The following UTP15 variants were observed in gnomAD, a reference collection of about 807,000 sequenced individuals.
UTP15 encodes the protein UTP15 small subunit processome component.
UTP15 carries 5 observed loss-of-function variants against 59.1 expected under a neutral mutation model. The observed-to-expected ratio is 0.08, with a 90% CI of 0.04 to 0.18. The LOEUF (loss-of-function observed/expected upper bound fraction) is 0.18. Ranked by LOEUF, UTP15 falls within the 10% of genes least tolerant of loss-of-function variation. UTP15 has a pLI of 1.00. For synonymous variants in UTP15, 211 were observed against 212.2 expected (o/e 0.99, Z 0.05); for missense variants, 494 against 616.7 (o/e 0.80, Z 2.11).
In UTP15 at chr5:73,579,086, C is replaced by T; in HGVS notation, c.1216C>T (p.Leu406Phe). ...IIKELNRRGV[L>F]ANALAGRDEK... ...AAAGGAGTTAAATCGAAGAGGAGTCCTTGCAAATGCGCTTGCAGGTCGGGA... is the reference window on the plus strand; with the variant it reads ...AAAGGAGTTAAATCGAAGAGGAGTCTTTGCAAATGCGCTTGCAGGTCGGGA... The change falls in exon 11 of 13, where the codon CTT (leucine) becomes TTT (phenylalanine). Residue 406 changes from leucine (L) to phenylalanine (F), a missense_variant. By Grantham distance (22) the Leu-to-Phe change is conservative (BLOSUM62 0). Coordinates refer to ENST00000296792, the MANE Select transcript of UTP15 (RefSeq NM_032175.4). 6.2e-7 allele frequency: 1 copy of T among 1,613,904 alleles called. No individual in the cohort carries two copies. The highest frequency in any genetic ancestry group is 1.1e-5 in the South Asian group (1 of 91,084).
At chr5:73,579,249 A>G in intron 11 of UTP15, 68 bp from the exon 12 acceptor site, 1 of 1,595,354 alleles carries the variant, frequency 6.3e-7, no homozygotes, top group Admixed American at 1.8e-5. Context: ...AACTGATGAA[A>G]CAAATCTGTT....
rs1748281183 is a variant in UTP15 at position 73,580,834 on chromosome 5, A to G, written c.*740A>G. The G allele has an allele frequency of 6.6e-6, 1 of 151,404 alleles. No homozygotes were observed. Among genetic ancestry groups the G allele is most frequent in the African/African-American group, 2.4e-5 (1 of 41,156 alleles). 9.4% of individuals were successfully genotyped at this position (151,404 alleles called of 1,614,324 possible). On this transcript the variant is annotated 3_prime_UTR_variant, in exon 13 of 13. Coordinates refer to ENST00000296792, the MANE Select transcript of UTP15 (RefSeq NM_032175.4). The stretch of plus-strand genomic sequence containing the variant: ...GGTCAGAGGAATGATAGAATTTGTC[A>G]TTTTTCTTACAACAGCCTTTCAGAC...
intron 5 of UTP15, among the ~76,000 whole-genome samples, chr5:73,570,180 T>C (rs1436659428): frequency 6.6e-6 from 1 of 152,194 alleles, no homozygotes; most frequent in African/African-American, 2.4e-5. Context: ...TGATTGTTCA[T>C]GTCTTCCAAA....
Position 73,569,174 on chromosome 5 carries a change from G to T in UTP15, c.369-323G>T, listed in dbSNP as rs1027206330. The stretch of plus-strand genomic sequence containing the variant: ...GTAAATCTCTTTAGAGTTTTTTAAA[G>T]AACTTTTTGAAATTTTAAAAATTAA... On this transcript the variant is annotated intron_variant, in intron 4 of 12. Coordinates refer to ENST00000296792, the MANE Select transcript of UTP15 (RefSeq NM_032175.4). Among the ~76,000 whole-genome samples the T allele has an allele frequency of 3.3e-5, 5 of 152,030 alleles. No homozygotes were observed. In the South Asian group the frequency reaches 6.2e-4, roughly 19 times the overall value.
chr5:73,569,219 T>C (rs1275656311), intron 4 of UTP15, among the ~76,000 whole-genome samples: 1 of 152,186 alleles, frequency 6.6e-6, no homozygotes, highest in Non-Finnish European at 1.5e-5. Context: ...GCTTCCATAT[T>C]CAGCAGCTAA....
At chr5:73,574,838 C>CT (rs1295300919) in intron 7 of UTP15, among the ~76,000 whole-genome samples, 3 of 152,004 alleles carry the variant, frequency 2.0e-5, no homozygotes, top group African/African-American at 4.8e-5. Flanking sequence ...TTTTTCTGCT[C>CT]TTATGAAAAA....
Position 73,579,015 on chromosome 5 carries a change from A to G in UTP15, c.1147-2A>G. 1.9e-6 allele frequency: 3 copies of G among 1,611,606 alleles called. No homozygotes were observed. Among genetic ancestry groups the G allele is most frequent in the Non-Finnish European group, 2.5e-6 (3 of 1,178,942 alleles). Reference sequence around the variant, plus strand: ...TCATGTTGACTTTGAAAATTTTTCTAGCCCACTTGTACAATAAAGACACCC... The same window carrying G: ...TCATGTTGACTTTGAAAATTTTTCTGGCCCACTTGTACAATAAAGACACCC... On this transcript the variant is annotated splice_acceptor_variant, in intron 10 of 12. Transcript: ENST00000296792. LOFTEE classifies it high-confidence loss of function.
Position 73,576,492 on chromosome 5 carries a change from T to TA in UTP15, c.810-459dup, listed in dbSNP as rs533599641. Reference sequence around the variant, plus strand: ...GTATACAGCTCTTTTTTTTTTTTTTTAGACAGAGCTTTGCTCTTGTCGCCC... The same window carrying TA: ...GTATACAGCTCTTTTTTTTTTTTTTTAAGACAGAGCTTTGCTCTTGTCGCCC... On this transcript the variant is annotated intron_variant, in intron 7 of 12. Transcript: ENST00000296792. Among the ~76,000 whole-genome samples, 999 of 151,228 alleles carry TA rather than the reference T, an allele frequency of 6.6e-3. 10 individuals are homozygous for TA. The highest frequency in any genetic ancestry group is 0.022 in the African/African-American group (899 of 41,196).
Position 73,581,502 on chromosome 5 carries a change from C to G in UTP15, c.*1408C>G. ...CTTTTCTCTAATTATTACGCCAACT[C>G]AAGTAGTTAAAAATCAGTAAGAAAA... On this transcript the variant is annotated 3_prime_UTR_variant, in exon 13 of 13. Coordinates refer to ENST00000296792, the MANE Select transcript of UTP15 (RefSeq NM_032175.4). 6.6e-6 allele frequency: 1 copy of G among 152,002 alleles called. No homozygotes were observed. Among genetic ancestry groups the G allele is most frequent in the East Asian group, 1.9e-4 (1 of 5,186 alleles). The allele number at this position is 152,002 out of a possible 1,614,324, so 9.4% of individuals were successfully genotyped here.
At chr5:73,578,989 C>G (rs762283569) in intron 10 of UTP15, 28 bp from the exon 11 acceptor site, 39 of 1,600,926 alleles carry the variant, frequency 2.4e-5, no homozygotes, top group Non-Finnish European at 2.5e-5. Flanking sequence ...GTTTTGTCTA[C>G]TCATGTTGAC....
In UTP15 at chr5:73,568,875, G is replaced by A. The variant is rs75949207; in HGVS notation, c.368+271G>A. On this transcript the variant is annotated intron_variant, in intron 4 of 12. Transcript: ENST00000296792. ...GTAGCTTTTGGTTAACTTTAGTGGGGTCTGTGGCCCAGCTGAGATTATGAA... is the reference window on the plus strand; with the variant it reads ...GTAGCTTTTGGTTAACTTTAGTGGGATCTGTGGCCCAGCTGAGATTATGAA... Among the ~76,000 whole-genome samples the A allele has an allele frequency of 1.7e-3, 259 of 152,290 alleles. 5 individuals carry two copies. The East Asian group carries it at 0.04, about 24-fold the overall frequency.
chr5:73,566,142 A>G (rs1421654), intron 1 of UTP15: 104,358 of 257,846 alleles, frequency 0.4, 23,742 homozygotes, highest in East Asian at 0.65. Flanking sequence ...CTCCAAGGCA[A>G]TGGACACATT....
intron 7 of UTP15, among the ~76,000 whole-genome samples, chr5:73,573,955 G>A (rs1193603416): frequency 2.0e-5 from 3 of 151,936 alleles, no homozygotes; most frequent in African/African-American, 7.3e-5. Context: ...TATAATTTCA[G>A]TATGTAATCT....
rs958528701 is a variant in UTP15, at chr5:73,580,493, G to C, written c.*399G>C. On this transcript the variant is annotated 3_prime_UTR_variant, in exon 13 of 13. Transcript: ENST00000296792. ...GCAAAGCCTTGTATTACCTCTGGAAGACAACAAAAACAATTGGCAACAACA... is the reference window on the plus strand; with the variant it reads ...GCAAAGCCTTGTATTACCTCTGGAACACAACAAAAACAATTGGCAACAACA... 1 of 154,316 alleles carries C rather than the reference G, an allele frequency of 6.5e-6. No homozygotes were observed. The highest frequency in any genetic ancestry group is 2.4e-5 in the African/African-American group (1 of 41,500). The allele number at this position is 154,316 out of a possible 1,614,324, so 9.6% of individuals were successfully genotyped here.
chr5:73,571,943 T>C (rs2112044927), intron 6 of UTP15, among the ~76,000 whole-genome samples: 1 of 152,248 alleles, frequency 6.6e-6, no homozygotes, highest in Middle Eastern at 3.4e-3. Context: ...TCCCTTAAGG[T>C]CTCTAGACCT....
In UTP15 at chr5:73,565,795, GGGTC is replaced by G. The variant is rs1241042111; in HGVS notation, c.-200_-197del. ...GCTGTGTGTGTCGCCGGCTCCTTGAGGGTCCATGTGATTTTTACGCCAGTGCTGC... is the reference window on the plus strand; with the variant it reads ...GCTGTGTGTGTCGCCGGCTCCTTGAGCATGTGATTTTTACGCCAGTGCTGC... On this transcript the variant is annotated 5_prime_UTR_variant, in exon 1 of 13. Transcript: ENST00000296792. 2.4e-5 allele frequency: 11 copies of G among 456,300 alleles called. No homozygotes were observed. The Middle Eastern group carries it at 9.8e-4, about 40-fold the overall frequency. 28.3% of individuals were successfully genotyped at this position (456,300 alleles called of 1,614,324 possible). A position where few individuals can be genotyped will look rare whatever the true frequency, so the allele number is the denominator to read the frequency against.
intron 8 of UTP15, 62 bp from the exon 9 acceptor site, chr5:73,577,778 GGTAAATGTGTTTTGAA>G: frequency 8.1e-7 from 1 of 1,229,830 alleles, no homozygotes; most frequent in Non-Finnish European, 1.1e-6. Flanking sequence ...GCAAACACAT[GGTAAATGTGTTTTGAA>G]GTAAAAGTAC....
intron 8 of UTP15, among the ~76,000 whole-genome samples, 194 bp from the exon 9 acceptor site, chr5:73,577,662 T>C (rs976039559): frequency 1.1e-4 from 16 of 152,192 alleles, no homozygotes; most frequent in African/African-American, 3.6e-4. Flanking sequence ...GTCAATGTAG[T>C]TGTATCCTAA....
At position 73,580,160 on chromosome 5, in the gene UTP15, C is replaced by G; in HGVS notation, c.*66C>G. On this transcript the variant is annotated 3_prime_UTR_variant, in exon 13 of 13. Transcript: ENST00000296792. ...TAGATTTGACTGTATTAAATGTTGG[C>G]GAGAGACTCTCTTTGATACATTAAA... 7.1e-7 allele frequency: 1 copy of G among 1,399,800 alleles called. No homozygotes were observed. The highest frequency in any genetic ancestry group is 1.3e-5 in the South Asian group (1 of 76,840). 86.7% of individuals were successfully genotyped at this position (1,399,800 alleles called of 1,614,324 possible).
Sources: gnomAD v4.1 joint callset for allele counts (sites outside exome capture counted in the v4.1 genomes callset) on GRCh38, gnomAD v4.1.1 for gene constraint, MANE v1.5 for transcripts, NCBI Gene and HGNC (gene_info 2026-07-23, HGNC 2026-07-21) for gene names.